Variants in SPRED2 observed in about 807,000 individuals in gnomAD.
The protein encoded by SPRED2 is sprouty-related, EVH1 domain-containing protein 2.
In SPRED2, 47 loss-of-function variants were observed where a neutral mutation model predicts 43.0. That is an observed-to-expected ratio of 1.09 (90% CI 0.87 to 1.40). SPRED2 has a LOEUF of 1.40. SPRED2 is among the 40% of genes most tolerant of loss of function. SPRED2 has a pLI of 0.00. For missense variants in SPRED2, 561 were observed against 586.4 expected (o/e 0.96, Z 0.45); for synonymous variants, 225 against 225.7 (o/e 1.00, Z 0.03).
In SPRED2 at chr2:65,387,661, A is replaced by G. The variant is rs1448874854; in HGVS notation, c.27-42765T>C. 3.3e-5 allele frequency among the ~76,000 whole-genome samples: 5 copies of G among 152,254 alleles called. No individual in the cohort carries two copies. The East Asian group carries it at 7.7e-4, about 23-fold the overall frequency. ...TTAAAACAAATTTAAAAATTTAAAT[A>G]TATAAATGCATTTCCAATTTAGATC... On this transcript the variant is annotated intron_variant, in intron 1 of 5. Transcript: ENST00000356388.
intron 4 of SPRED2, among the ~76,000 whole-genome samples, chr2:65,327,880 T>G (rs372241251): frequency 6.6e-6 from 1 of 152,022 alleles, no homozygotes; most frequent in Non-Finnish European, 1.5e-5. Flanking sequence ...CCCGCCATCA[T>G]GCCTGGCTAA....
Position 65,313,112 on chromosome 2 carries a change from C to T in SPRED2, c.*389G>A. The T allele has an allele frequency of 1.0e-6, 1 of 998,810 alleles. No homozygotes were observed. The highest frequency in any genetic ancestry group is 1.2e-6 in the Non-Finnish European group (1 of 839,306). 61.9% of individuals were successfully genotyped at this position (998,810 alleles called of 1,614,324 possible). ...GCTCTTGGAAAAATCAACTACAAAACCCACCGAAAATCAGCAGTTCCAATT... is the reference window on the plus strand; with the variant it reads ...GCTCTTGGAAAAATCAACTACAAAATCCACCGAAAATCAGCAGTTCCAATT... On this transcript the variant is annotated 3_prime_UTR_variant, in exon 6 of 6. Transcript: ENST00000356388.
intron 1 of SPRED2, among the ~76,000 whole-genome samples, chr2:65,356,678 T>C (rs971065846): frequency 6.6e-6 from 1 of 151,710 alleles, no homozygotes; most frequent in Non-Finnish European, 1.5e-5. Flanking sequence ...CAAAATCCTT[T>C]ACAAGCCAGC....
At chr2:65,323,715 A>C (rs932561796) in intron 4 of SPRED2, among the ~76,000 whole-genome samples, 13 of 152,002 alleles carry the variant, frequency 8.6e-5, no homozygotes, top group African/African-American at 3.1e-4. Flanking sequence ...TCTCTACTAA[A>C]AATACAAAAA....
chr2:65,410,232 G>A (rs1676123790), intron 1 of SPRED2, among the ~76,000 whole-genome samples: 1 of 151,918 alleles, frequency 6.6e-6, no homozygotes, highest in South Asian at 2.1e-4. Context: ...GTGAGACCTT[G>A]TCTCTTAACT....
chr2:65,424,850 G>C (rs1447928029), intron 1 of SPRED2, among the ~76,000 whole-genome samples: 3 of 151,982 alleles, frequency 2.0e-5, no homozygotes, highest in Non-Finnish European at 2.9e-5. Flanking sequence ...TACTCAGGAG[G>C]CCAAGGCAGA....
intron 1 of SPRED2, chr2:65,366,525 A>C: frequency 6.7e-7 from 1 of 1,499,780 alleles, no homozygotes; most frequent in Non-Finnish European, 9.0e-7. Context: ...AAAAGCAGGC[A>C]CCAGAAAGGT....
At chr2:65,347,969 A>T (rs1215919846) in intron 1 of SPRED2, among the ~76,000 whole-genome samples, 1 of 152,106 alleles carries the variant, frequency 6.6e-6, no homozygotes, top group Non-Finnish European at 1.5e-5. Flanking sequence ...ACGTTTGCCC[A>T]ACTTAACCCA....
intron 1 of SPRED2, among the ~76,000 whole-genome samples, chr2:65,410,321 T>G (rs1262594550): frequency 6.6e-6 from 1 of 152,218 alleles, no homozygotes; most frequent in African/African-American, 2.4e-5. Context: ...GGGGTGTCTC[T>G]CTCGCTCTCT....
chr2:65,310,724 C>G, downstream of SPRED2: 1 of 294,322 alleles, frequency 3.4e-6, no homozygotes, highest in Non-Finnish European at 5.1e-6. Flanking sequence ...CTTGAAAAAA[C>G]AGACCGGTGT....
chr2:65,313,300 T>A lies in SPRED2; in HGVS notation c.*201A>T. 3.5e-6 allele frequency: 5 copies of A among 1,427,354 alleles called. 1 individual carries two copies. The South Asian group carries it at 7.6e-5, about 22-fold the overall frequency. The allele number at this position is 1,427,354 out of a possible 1,614,324, so 88.4% of individuals were successfully genotyped here. On this transcript the variant is annotated 3_prime_UTR_variant, in exon 6 of 6. Coordinates refer to ENST00000356388, the MANE Select transcript of SPRED2 (RefSeq NM_181784.3). ...AGCGTGTGTGTATGGATGTGGCTGC[T>A]GCAGTGTGGGCGGCAGGGGGAGTGG...
At chr2:65,322,267 TCTC>T (rs1673445271) in intron 4 of SPRED2, among the ~76,000 whole-genome samples, 1 of 51,424 alleles carries the variant, frequency 1.9e-5, no homozygotes, top group Non-Finnish European at 3.4e-5. Context: ...TCTCTCTCTC[TCTC>T]TATATATATA....
rs1013571463 is a variant in SPRED2 at position 65,316,276 on chromosome 2, C to T, written c.588+458G>A. ...CCTGTAGCCTGTAAGGCTGGGGGCT[C>T]GAGCCAAGTGTGCAGCATTCCTTAG... On this transcript the variant is annotated intron_variant, in intron 5 of 5. Coordinates refer to ENST00000356388, the MANE Select transcript of SPRED2 (RefSeq NM_181784.3). Among the ~76,000 whole-genome samples, 6 of 152,328 alleles carry T rather than the reference C, an allele frequency of 3.9e-5. No homozygotes were observed. In the South Asian group the frequency reaches 8.3e-4, roughly 21 times the overall value.
At chr2:65,393,085 T>C (rs1675675100) in intron 1 of SPRED2, among the ~76,000 whole-genome samples, 1 of 152,312 alleles carries the variant, frequency 6.6e-6, no homozygotes, top group African/African-American at 2.4e-5. Flanking sequence ...AAGTTGTTGC[T>C]ACAGAGATAA....
chr2:65,313,240 C>T lies in SPRED2; in HGVS notation c.*261G>A. 7.9e-7 allele frequency: 1 copy of T among 1,270,504 alleles called. No homozygotes were observed. The highest frequency in any genetic ancestry group is 9.9e-7 in the Non-Finnish European group (1 of 1,008,450). The allele number at this position is 1,270,504 out of a possible 1,614,324, so 78.7% of individuals were successfully genotyped here. A position where few individuals can be genotyped will look rare whatever the true frequency, so the allele number is the denominator to read the frequency against. On this transcript the variant is annotated 3_prime_UTR_variant, in exon 6 of 6. Coordinates refer to ENST00000356388, the MANE Select transcript of SPRED2 (RefSeq NM_181784.3). ...TACAGATTGTTAATAGTACAGGAGT[C>T]TGTGGCGAAGGTTCCTTCCTCAGAA...
chr2:65,346,064 C>A (rs1373542462), intron 1 of SPRED2, among the ~76,000 whole-genome samples: 2 of 152,100 alleles, frequency 1.3e-5, no homozygotes, highest in Non-Finnish European at 2.9e-5. Flanking sequence ...CAAAGAACCC[C>A]CATTATTCCC....
chr2:65,419,312 T>TA (rs1362708161), intron 1 of SPRED2, among the ~76,000 whole-genome samples: 2 of 152,176 alleles, frequency 1.3e-5, no homozygotes, highest in Non-Finnish European at 2.9e-5. Context: ...CCAAACTTTA[T>TA]ACATAGTCTG....
At chr2:65,354,461 C>T (rs1674591042) in intron 1 of SPRED2, among the ~76,000 whole-genome samples, 1 of 151,758 alleles carries the variant, frequency 6.6e-6, no homozygotes. Context: ...TAAATTTCAC[C>T]TCTAAGTGTT....
intron 1 of SPRED2, among the ~76,000 whole-genome samples, chr2:65,389,091 C>T (rs1675572316): frequency 6.6e-6 from 1 of 152,200 alleles, no homozygotes; most frequent in South Asian, 2.1e-4. Context: ...GCCCTCTTTC[C>T]TCTGGAGGAT....
Sources: allele counts gnomAD v4.1 joint callset (sites outside exome capture counted in the v4.1 genomes callset), GRCh38; gene constraint gnomAD v4.1.1; transcripts MANE v1.5; gene names NCBI Gene and HGNC (gene_info 2026-07-23, HGNC 2026-07-21).